The following ADCK1 variants were observed in gnomAD, a reference collection of about 807,000 sequenced individuals.
ADCK1 encodes the protein aarF domain-containing protein kinase 1.
A neutral mutation model predicts 52.3 loss-of-function variants in ADCK1; 41 were observed. The observed-to-expected ratio is 0.78, with a 90% CI of 0.61 to 1.02. The LOEUF (loss-of-function observed/expected upper bound fraction) is 1.02. Ranked by LOEUF, ADCK1 falls within the 50% of genes least tolerant of loss-of-function variation. The pLI, the probability that ADCK1 is intolerant of heterozygous loss-of-function variation, is 0.00. For missense variants in ADCK1, 658 were observed against 679.5 expected, an observed-to-expected ratio of 0.97 and a Z score of 0.35; for synonymous variants, 250 against 274.6, an observed-to-expected ratio of 0.91 and a Z score of 0.89.
chr14:77,889,238 C>T (rs543458694), intron 5 of ADCK1, among the ~76,000 whole-genome samples: 1 of 152,282 alleles, frequency 6.6e-6, no homozygotes, highest in Admixed American at 6.5e-5. Context: ...TGAGAACAGA[C>T]TAATACACAT....
rs575412047 is a variant in ADCK1, at chr14:77,883,995, C to G, written c.424-3096C>G. Among the ~76,000 whole-genome samples the G allele has an allele frequency of 3.3e-5, 5 of 152,338 alleles. No homozygotes were observed. In the South Asian group the frequency reaches 1.0e-3, roughly 32 times the overall value. On this transcript the variant is annotated intron_variant, in intron 4 of 10. Coordinates refer to ENST00000238561, the MANE Select transcript of ADCK1 (RefSeq NM_020421.4). The stretch of plus-strand genomic sequence containing the variant: ...AGATTAGGATCTGCTCGCCTCAGCT[C>G]TTTCTTTCCCTCACCTCCCTGTGGG...
chr14:77,821,703 A>G (rs1367481458), intron 2 of ADCK1, among the ~76,000 whole-genome samples: 1 of 151,996 alleles, frequency 6.6e-6, no homozygotes, highest in Non-Finnish European at 1.5e-5. Flanking sequence ...CAACATGGCG[A>G]AATCCCATCT....
intron 3 of ADCK1, among the ~76,000 whole-genome samples, chr14:77,829,433 C>T (rs1027116474): frequency 6.6e-6 from 1 of 150,966 alleles, no homozygotes; most frequent in African/African-American, 2.4e-5. Context: ...TAGTGGACTA[C>T]AGGTGTGCAC....
chr14:77,871,390 C>G (rs1387464288), intron 4 of ADCK1, among the ~76,000 whole-genome samples: 1 of 152,140 alleles, frequency 6.6e-6, no homozygotes, highest in South Asian at 2.1e-4. Context: ...CAGAGTCTCA[C>G]TCAGTTGCCC....
intron 1 of ADCK1, among the ~76,000 whole-genome samples, chr14:77,812,560 G>T (rs553366513): frequency 6.6e-6 from 1 of 152,182 alleles, no homozygotes; most frequent in African/African-American, 2.4e-5. Context: ...CACTTAGGTT[G>T]TTTCTACATC....
intron 5 of ADCK1, among the ~76,000 whole-genome samples, chr14:77,888,874 T>C (rs1421885451): frequency 6.6e-6 from 1 of 152,216 alleles, no homozygotes. Context: ...TTTCTTCTTA[T>C]ACACACTGAT....
intron 3 of ADCK1, among the ~76,000 whole-genome samples, chr14:77,835,212 A>G (rs1434003082): frequency 3.3e-5 from 5 of 152,186 alleles, no homozygotes; most frequent in African/African-American, 4.8e-5. Flanking sequence ...TTATTTTTCC[A>G]TATCTGCATA....
chr14:77,889,423 T>C (rs148990164), intron 5 of ADCK1, among the ~76,000 whole-genome samples: 225 of 152,304 alleles, frequency 1.5e-3, no homozygotes, highest in African/African-American at 5.0e-3. Context: ...ACTGAAACCT[T>C]GGAAAGCTAA....
At chr14:77,881,745 A>G (rs1379163320) in intron 4 of ADCK1, among the ~76,000 whole-genome samples, 1 of 152,166 alleles carries the variant, frequency 6.6e-6, no homozygotes, top group Non-Finnish European at 1.5e-5. Context: ...CTCTTGCTTC[A>G]GCCTTCCAAA....
chr14:77,849,243 T>C (rs1007502196), intron 3 of ADCK1, among the ~76,000 whole-genome samples: 2 of 152,140 alleles, frequency 1.3e-5, no homozygotes, highest in Non-Finnish European at 2.9e-5. Context: ...CCCAGCAATT[T>C]TTAAATTTTT....
intron 3 of ADCK1, among the ~76,000 whole-genome samples, chr14:77,833,503 G>C (rs554549993): frequency 6.6e-6 from 1 of 152,274 alleles, no homozygotes; most frequent in South Asian, 2.1e-4. Flanking sequence ...ATTCTCTCTG[G>C]TTGGGTCATC....
chr14:77,930,451 G>A (rs890550004), intron 9 of ADCK1, among the ~76,000 whole-genome samples: 14 of 152,098 alleles, frequency 9.2e-5, no homozygotes, highest in Non-Finnish European at 4.4e-5. Flanking sequence ...GCTGGGAGGC[G>A]GGCACAGAGG....
intron 4 of ADCK1, among the ~76,000 whole-genome samples, chr14:77,879,494 G>A (rs1047776750): frequency 6.6e-6 from 1 of 152,170 alleles, no homozygotes; most frequent in Non-Finnish European, 1.5e-5. Context: ...GGCCCATGGT[G>A]CATGCAGAGA....
chr14:77,883,787 G>T (rs913888676), intron 4 of ADCK1, among the ~76,000 whole-genome samples: 2 of 152,176 alleles, frequency 1.3e-5, no homozygotes, highest in South Asian at 2.1e-4. Context: ...CTTTGCTTCT[G>T]CTGGTGGAAC....
intron 3 of ADCK1, among the ~76,000 whole-genome samples, chr14:77,855,579 G>A (rs1299978379): frequency 6.6e-6 from 1 of 152,180 alleles, no homozygotes; most frequent in Non-Finnish European, 1.5e-5. Context: ...AAGACATGAT[G>A]AGCTTTACTT....
At chr14:77,901,312 A>T (rs2083537917) in intron 6 of ADCK1, among the ~76,000 whole-genome samples, 1 of 151,086 alleles carries the variant, frequency 6.6e-6, no homozygotes, top group African/African-American at 2.4e-5. Flanking sequence ...GGCCTCCCAA[A>T]GTGCTGAGAT....
chr14:77,890,562 G>A (rs1255315652), intron 5 of ADCK1, among the ~76,000 whole-genome samples: 1 of 152,198 alleles, frequency 6.6e-6, no homozygotes, highest in Non-Finnish European at 1.5e-5. Context: ...AGAGTGGCAA[G>A]GTTCTAGAAG....
chr14:77,828,169 G>C (rs1210477779), intron 3 of ADCK1, among the ~76,000 whole-genome samples: 2 of 152,070 alleles, frequency 1.3e-5, no homozygotes, highest in African/African-American at 4.8e-5. Context: ...TCACCATGTT[G>C]GCCAGTCTGG....
chr14:77,847,536 C>T (rs1383943480), intron 3 of ADCK1, among the ~76,000 whole-genome samples: 1 of 152,226 alleles, frequency 6.6e-6, no homozygotes, highest in East Asian at 1.9e-4. Flanking sequence ...TGCTACTGCC[C>T]TCCAGCCTGG....
Sources: allele counts gnomAD v4.1 joint callset (sites outside exome capture counted in the v4.1 genomes callset), GRCh38; gene constraint gnomAD v4.1.1; transcripts MANE v1.5; gene names NCBI Gene and HGNC (gene_info 2026-07-23, HGNC 2026-07-21).